The following TOX3 variants were observed in gnomAD, a reference collection of about 807,000 sequenced individuals.
TOX3 encodes TOX high mobility group box family member 3.
TOX3 carries 22 observed loss-of-function variants against 64.3 expected under a neutral mutation model. The ratio of observed to expected loss-of-function variants is 0.34; its 90% confidence interval spans 0.24 to 0.49. The LOEUF (loss-of-function observed/expected upper bound fraction) is 0.49. Ranked by LOEUF, TOX3 falls within the 20% of genes least tolerant of loss-of-function variation. TOX3 has a pLI of 0.99. For missense variants in TOX3, 661 were observed against 714.4 expected, an observed-to-expected ratio of 0.93 and a Z score of 0.85; for synonymous variants, 291 against 273.6, an observed-to-expected ratio of 1.06 and a Z score of -0.63.
chr16:52,510,022 G>C (rs969681211), intron 1 of TOX3, among the ~76,000 whole-genome samples: 8 of 151,902 alleles, frequency 5.3e-5, no homozygotes, highest in Non-Finnish European at 1.2e-4. Context: ...ATGAGGAGGG[G>C]GTTTCTAAGT....
At chr16:52,545,166 A>C (rs1223727094) in intron 1 of TOX3, among the ~76,000 whole-genome samples, 4 of 152,186 alleles carry the variant, frequency 2.6e-5, no homozygotes, top group African/African-American at 9.7e-5. Flanking sequence ...ACACAAACTA[A>C]TCCTTAACTC....
In TOX3 at chr16:52,546,948, G is replaced by T; in HGVS notation, c.-225C>A. 1.0e-6 allele frequency: 1 copy of T among 993,320 alleles called. No individual in the cohort carries two copies. Among genetic ancestry groups the T allele is most frequent in the Non-Finnish European group, 1.2e-6 (1 of 836,668 alleles). 61.5% of individuals were successfully genotyped at this position (993,320 alleles called of 1,614,324 possible). ...GCGGGAGAGCGGGAGGCGGCCGGGG[G>T]GACGCGCCCCGCCGGGGCACCGAGG... is the stretch of plus-strand genomic sequence containing the variant. On this transcript the variant is annotated 5_prime_UTR_variant, in exon 1 of 7. Transcript: ENST00000219746.
intron 3 of TOX3, among the ~76,000 whole-genome samples, chr16:52,451,858 T>C (rs1332578268): frequency 6.6e-6 from 1 of 152,194 alleles, no homozygotes; most frequent in Non-Finnish European, 1.5e-5. Context: ...GGGCAGAGTT[T>C]CTCAATTTCA....
At chr16:52,476,950 G>A (rs1352092744) in intron 1 of TOX3, among the ~76,000 whole-genome samples, 1 of 152,092 alleles carries the variant, frequency 6.6e-6, no homozygotes, top group Admixed American at 6.5e-5. Context: ...GCCTTTCAGA[G>A]GAACAAGTCT....
chr16:52,532,327 AAC>A (rs1392776966), intron 1 of TOX3, among the ~76,000 whole-genome samples: 17 of 152,178 alleles, frequency 1.1e-4, no homozygotes, highest in Non-Finnish European at 2.1e-4. Context: ...TAGTAGAAGG[AAC>A]AGTGTGCCAT....
At chr16:52,477,293 T>A (rs1961234598) in intron 1 of TOX3, among the ~76,000 whole-genome samples, 2 of 152,166 alleles carry the variant, frequency 1.3e-5, no homozygotes, top group African/African-American at 4.8e-5. Context: ...CTGGTGGGCC[T>A]TGAAGGCTAA....
Position 52,519,461 on chromosome 16 carries a change from G to T in TOX3, c.87+27176C>A. ...TCTCTCCTCAATGCGCCTGGCTCCC[G>T]AGCGAGGTTGGCACTTCATCCTCCA... On this transcript the variant is annotated intron_variant, in intron 1 of 6. Transcript: ENST00000219746. 1.9e-6 allele frequency: 3 copies of T among 1,551,466 alleles called. No individual in the cohort carries two copies. The South Asian group carries it at 3.6e-5, about 18-fold the overall frequency.
chr16:52,472,258 C>T lies in TOX3; in HGVS notation c.88-3684G>A, dbSNP rs546607592. 5.3e-5 allele frequency among the ~76,000 whole-genome samples: 8 copies of T among 152,146 alleles called. No homozygotes were observed. In the East Asian group the frequency reaches 5.8e-4, roughly 11 times the overall value. Reference sequence around the variant, plus strand: ...GGAGGCAATATTATGGAAAAGATGACGAATTTTCTACTTGGATGAAGCTTA... The same window carrying T: ...GGAGGCAATATTATGGAAAAGATGATGAATTTTCTACTTGGATGAAGCTTA... On this transcript the variant is annotated intron_variant, in intron 1 of 6. Transcript: ENST00000219746.
intron 1 of TOX3, among the ~76,000 whole-genome samples, chr16:52,498,586 G>GT (rs1000347614): frequency 4.5e-4 from 68 of 151,930 alleles, no homozygotes; most frequent in African/African-American, 1.6e-3. Flanking sequence ...CCTTTGTGGG[G>GT]TTGGGGGGGG....
intron 1 of TOX3, among the ~76,000 whole-genome samples, chr16:52,516,205 T>A (rs1408667174): frequency 6.6e-6 from 1 of 152,212 alleles, no homozygotes; most frequent in Non-Finnish European, 1.5e-5. Context: ...ATTAAGACAT[T>A]AGATTTTAAA....
chr16:52,456,811 T>C (rs886988317), intron 3 of TOX3, among the ~76,000 whole-genome samples: 1 of 152,212 alleles, frequency 6.6e-6, no homozygotes, highest in Non-Finnish European at 1.5e-5. Flanking sequence ...AATACTGTTA[T>C]AGTCAGTGTG....
intron 1 of TOX3, chr16:52,519,468 G>A (rs1962543897): frequency 5.8e-6 from 9 of 1,551,320 alleles, no homozygotes; most frequent in Non-Finnish European, 7.0e-6. Flanking sequence ...CCCGAGCGAG[G>A]TTGGCACTTC....
intron 3 of TOX3, among the ~76,000 whole-genome samples, chr16:52,458,550 A>G (rs906278953): frequency 6.6e-5 from 10 of 152,226 alleles, no homozygotes; most frequent in African/African-American, 2.4e-4. Flanking sequence ...AAAAGAAGAT[A>G]CAGGGAAATA....
intron 1 of TOX3, among the ~76,000 whole-genome samples, chr16:52,479,559 T>C (rs1421730475): frequency 6.6e-6 from 1 of 152,182 alleles, no homozygotes; most frequent in African/African-American, 2.4e-5. Context: ...TGGGCATCTC[T>C]TATAAAATGA....
intron 1 of TOX3, among the ~76,000 whole-genome samples, chr16:52,506,761 A>C (rs1472946404): frequency 2.6e-5 from 4 of 152,194 alleles, no homozygotes; most frequent in African/African-American, 9.6e-5. Flanking sequence ...AATTACATTA[A>C]AGATTTAAAA....
Position 52,546,888 on chromosome 16 carries a change from C to G in TOX3, c.-165G>C, listed in dbSNP as rs1963209434. 8.6e-7 allele frequency: 1 copy of G among 1,158,102 alleles called. No homozygotes were observed. The highest frequency in any genetic ancestry group is 1.1e-6 in the Non-Finnish European group (1 of 941,336). The allele number at this position is 1,158,102 out of a possible 1,614,324, so 71.7% of individuals were successfully genotyped here. The stretch of plus-strand genomic sequence containing the variant: ...CAGAGCCCGAGGAGCTCGGGAGCCG[C>G]GGCCGCCGCACACAAAGGCGCGGCC... On this transcript the variant is annotated 5_prime_UTR_variant, in exon 1 of 7. Transcript: ENST00000219746.
intron 1 of TOX3, among the ~76,000 whole-genome samples, chr16:52,498,456 T>C (rs542966327): frequency 6.6e-6 from 1 of 152,140 alleles, no homozygotes; most frequent in Admixed American, 6.5e-5. Flanking sequence ...TGAGATTCCA[T>C]CACACTTGCA....
intron 1 of TOX3, among the ~76,000 whole-genome samples, chr16:52,503,154 T>C (rs1962050834): frequency 6.6e-6 from 1 of 152,172 alleles, no homozygotes; most frequent in African/African-American, 2.4e-5. Context: ...TTTTTTAGGG[T>C]CTTTCCATCA....
chr16:52,519,288 C>G (rs1962535574), intron 1 of TOX3: 7 of 1,030,938 alleles, frequency 6.8e-6, no homozygotes, highest in Non-Finnish European at 9.6e-6. Context: ...CCACTTTCAT[C>G]TTATTCTTAA....
Sources: allele counts gnomAD v4.1 joint callset (sites outside exome capture counted in the v4.1 genomes callset), GRCh38; gene constraint gnomAD v4.1.1; transcripts MANE v1.5; gene names NCBI Gene and HGNC (gene_info 2026-07-23, HGNC 2026-07-21).